MTUS1: variants seen among roughly 807,000 people sequenced by gnomAD.
MTUS1 encodes microtubule associated scaffold protein 1.
MTUS1 carries 109 observed loss-of-function variants against 120.8 expected under a neutral mutation model. The observed-to-expected ratio is 0.90, with a 90% CI of 0.77 to 1.06. The LOEUF (loss-of-function observed/expected upper bound fraction) is 1.06. MTUS1 is among the 50% of genes least tolerant of loss of function. The pLI, the probability that MTUS1 is intolerant of heterozygous loss-of-function variation, is 0.00. For missense variants in MTUS1, 2,210 were observed against 1,486.3 expected (o/e 1.49, Z -8.01); for synonymous variants, 737 against 550.5 (o/e 1.34, Z -4.74).
At chr8:17,800,530 A>T (rs916225724) in intron 1 of MTUS1, 3 of 152,210 alleles carry the variant, frequency 2.0e-5, no homozygotes, top group Non-Finnish European at 4.4e-5. Context: ...GTCTTCAAAA[A>T]AGAACAAAAA....
Position 17,765,295 on chromosome 8 carries a change from C to G in MTUS1, c.-154-9334G>C, listed in dbSNP as rs141204206. On this transcript the variant is annotated intron_variant, in intron 1 of 14. Transcript: ENST00000693296. The stretch of plus-strand genomic sequence containing the variant: ...GTGCAGCCCTGTTCCTAACAGGCCA[C>G]AGCCCAGGAATTGGGGAACCTTGCC... Among the ~76,000 whole-genome samples, 304 of 152,214 alleles carry G rather than the reference C, an allele frequency of 2.0e-3. 1 individual carries two copies. Among genetic ancestry groups the G allele is most frequent in the African/African-American group, 6.8e-3 (281 of 41,550 alleles).
intron 6 of MTUS1, among the ~76,000 whole-genome samples, chr8:17,686,291 T>G (rs569258926): frequency 6.6e-6 from 1 of 152,236 alleles, no homozygotes; most frequent in African/African-American, 2.4e-5. Flanking sequence ...GGTGGTGATG[T>G]AATATATGAC....
intron 6 of MTUS1, among the ~76,000 whole-genome samples, chr8:17,702,898 T>C (rs1819383640): frequency 6.6e-6 from 1 of 152,144 alleles, no homozygotes; most frequent in African/African-American, 2.4e-5. Context: ...TTGTGACGAT[T>C]TCATGGACAT....
At chr8:17,716,449 C>T (rs746597724) in intron 4 of MTUS1, 1 of 152,310 alleles carries the variant, frequency 6.6e-6, no homozygotes, top group Non-Finnish European at 1.5e-5. Flanking sequence ...AGCTCCAAAG[C>T]AAAAACATAA....
intron 8 of MTUS1, chr8:17,674,355 G>C (rs111303855): frequency 0.016 from 8,431 of 526,058 alleles, 158 homozygotes; most frequent in African/African-American, 0.074. Flanking sequence ...GGGAGGCGGA[G>C]GTTGCAGTGA....
chr8:17,741,629 T>C (rs970775506), intron 3 of MTUS1, among the ~76,000 whole-genome samples: 1 of 152,202 alleles, frequency 6.6e-6, no homozygotes, highest in African/African-American at 2.4e-5. Flanking sequence ...TAACAACTAC[T>C]TCCCCGCTGG....
chr8:17,790,605 A>C (rs1017476166), intron 1 of MTUS1, among the ~76,000 whole-genome samples: 2 of 152,240 alleles, frequency 1.3e-5, no homozygotes, highest in Admixed American at 6.5e-5. Flanking sequence ...ACAACATTTA[A>C]CATTCGGCTT....
intron 6 of MTUS1, among the ~76,000 whole-genome samples, chr8:17,686,966 C>T (rs1319962772): frequency 2.6e-5 from 4 of 152,062 alleles, no homozygotes; most frequent in Non-Finnish European, 4.4e-5. Flanking sequence ...CGAGGACATA[C>T]ATTTTTTATA....
intron 2 of MTUS1, among the ~76,000 whole-genome samples, chr8:17,745,156 T>C (rs1412422990): frequency 2.0e-5 from 3 of 152,190 alleles, no homozygotes; most frequent in Non-Finnish European, 2.9e-5. Flanking sequence ...CCCATACCAC[T>C]TCCTTGTGGT....
At chr8:17,783,763 C>A (rs2051078255) in intron 1 of MTUS1, among the ~76,000 whole-genome samples, 2 of 152,074 alleles carry the variant, frequency 1.3e-5, no homozygotes, top group East Asian at 1.9e-4. Flanking sequence ...AACTAAGTAC[C>A]CCCAGCAGTA....
chr8:17,764,104 G>A (rs1034396423), intron 1 of MTUS1, among the ~76,000 whole-genome samples: 1 of 152,184 alleles, frequency 6.6e-6, no homozygotes, highest in Admixed American at 6.5e-5. Flanking sequence ...GAACAGTGAT[G>A]ATAGATATTC....
chr8:17,647,149 T>C, intron 13 of MTUS1, 70 bp from the exon 14 acceptor site: 1 of 1,173,138 alleles, frequency 8.5e-7, no homozygotes, highest in Non-Finnish European at 1.2e-6. Flanking sequence ...TTAAGGCACC[T>C]CACGACACAA....
chr8:17,696,328 T>C (rs1260293438), intron 6 of MTUS1, among the ~76,000 whole-genome samples: 1 of 151,582 alleles, frequency 6.6e-6, no homozygotes, highest in African/African-American at 2.4e-5. Context: ...AATAGTCAGC[T>C]GAAAACAAAT....
In MTUS1 at chr8:17,755,281, T is replaced by C; in HGVS notation, c.527A>G (p.His176Arg). 6.2e-7 allele frequency: 1 copy of C among 1,614,208 alleles called. No individual in the cohort carries two copies. The highest frequency in any genetic ancestry group is 8.5e-7 in the Non-Finnish European group (1 of 1,180,030). ...DKVNCTFISH[H>R]AIGKSQSFHT... ...GAAGGACTGACTCTTTCCGATGGCA[T>C]GATGTGATATAAAGGTGCAGTTAAC... The change falls in exon 2 of 15, where the codon CAT (histidine) becomes CGT (arginine). Residue 176 changes from histidine to arginine, a missense_variant. Physicochemically the swap from His to Arg is conservative, Grantham distance 29. Transcript: ENST00000693296.
chr8:17,721,099 T>TCA (rs1176202675), intron 4 of MTUS1, among the ~76,000 whole-genome samples: 2 of 152,096 alleles, frequency 1.3e-5, no homozygotes, highest in Admixed American at 1.3e-4. Context: ...ACTAAAGATA[T>TCA]CACATCACAA....
intron 1 of MTUS1, among the ~76,000 whole-genome samples, chr8:17,761,340 A>G (rs1233573541): frequency 6.6e-6 from 1 of 152,244 alleles, no homozygotes; most frequent in African/African-American, 2.4e-5. Flanking sequence ...CTGAATCATT[A>G]TATTAATTAC....
At chr8:17,750,717 T>C (rs569451028) in intron 2 of MTUS1, among the ~76,000 whole-genome samples, 115 of 152,278 alleles carry the variant, frequency 7.6e-4, no homozygotes, top group Non-Finnish European at 1.3e-3. Flanking sequence ...AATGGCATAA[T>C]ATAACTAAGG....
At chr8:17,690,772 T>A (rs1816785988) in intron 6 of MTUS1, among the ~76,000 whole-genome samples, 2 of 152,128 alleles carry the variant, frequency 1.3e-5, no homozygotes, top group Admixed American at 1.3e-4. Context: ...TCTATTACTC[T>A]TAATTTTCCA....
intron 4 of MTUS1, among the ~76,000 whole-genome samples, chr8:17,719,280 C>T (rs1430357897): frequency 6.6e-6 from 1 of 152,188 alleles, no homozygotes; most frequent in African/African-American, 2.4e-5. Flanking sequence ...TATGTATATA[C>T]ACACAGAGCC....
Sources: allele counts gnomAD v4.1 joint callset (sites outside exome capture counted in the v4.1 genomes callset), GRCh38; gene constraint gnomAD v4.1.1; transcripts MANE v1.5; gene names NCBI Gene and HGNC (gene_info 2026-07-23, HGNC 2026-07-21).